Variants in ATP6V0D2 observed in about 807,000 individuals in gnomAD.
ATP6V0D2 encodes V-type proton ATPase subunit d 2.
In ATP6V0D2, 40 loss-of-function variants were observed where a neutral mutation model predicts 40.0. The ratio of observed to expected loss-of-function variants is 1.00; its 90% confidence interval spans 0.78 to 1.30. The LOEUF (loss-of-function observed/expected upper bound fraction) is 1.30. Ranked by LOEUF, ATP6V0D2 falls within the 50% of genes most tolerant of loss-of-function variation. The pLI, the probability that ATP6V0D2 is intolerant of heterozygous loss-of-function variation, is 0.00. For synonymous variants in ATP6V0D2, 179 were observed against 156.3 expected, an observed-to-expected ratio of 1.15 and a Z score of -1.08; for missense variants, 470 against 423.1, an observed-to-expected ratio of 1.11 and a Z score of -0.97.
chr8:86,132,211 T>C (rs1407684355), intron 2 of ATP6V0D2, among the ~76,000 whole-genome samples: 1 of 152,156 alleles, frequency 6.6e-6, no homozygotes, highest in African/African-American at 2.4e-5. Context: ...TTTTTTTAAT[T>C]GATAAATAAC....
chr8:86,139,502 A>G lies in ATP6V0D2; in HGVS notation c.348A>G (p.Ala116=), dbSNP rs745649075. 1.9e-6 allele frequency: 3 copies of G among 1,613,602 alleles called. No individual in the cohort carries two copies. The African/African-American group carries it at 4.0e-5, about 22-fold the overall frequency. ...IDNVILLMNG[A]LQKKSVKEIL... ...ATGTGATTCTGCTGATGAATGGTGC[A>G]TTGCAGAAAAAATCTGTGAAAGAAA... Residue 116 remains alanine (A), a synonymous_variant, in exon 3 of 8, where the codon GCA becomes GCG. Transcript: ENST00000285393.
At chr8:86,121,824 A>G (rs1383826112) in intron 2 of ATP6V0D2, among the ~76,000 whole-genome samples, 1 of 152,202 alleles carries the variant, frequency 6.6e-6, no homozygotes, top group East Asian at 1.9e-4. Context: ...TGCCCGAGAC[A>G]ACGTTATACA....
At chr8:86,131,647 C>T (rs1195002673) in intron 2 of ATP6V0D2, among the ~76,000 whole-genome samples, 9 of 151,748 alleles carry the variant, frequency 5.9e-5, no homozygotes, top group Admixed American at 1.3e-4. Context: ...ATTACAGGCA[C>T]CTGTCACCAC....
intron 2 of ATP6V0D2, among the ~76,000 whole-genome samples, chr8:86,115,326 T>C (rs1818578646): frequency 6.6e-6 from 1 of 151,506 alleles, no homozygotes; most frequent in Admixed American, 6.6e-5. Flanking sequence ...CCCTCTATCC[T>C]TCTATTCTTT....
intron 2 of ATP6V0D2, among the ~76,000 whole-genome samples, chr8:86,128,355 A>G (rs1024450363): frequency 1.1e-4 from 16 of 143,028 alleles, no homozygotes; most frequent in Non-Finnish European, 2.0e-4. Flanking sequence ...ATCTCAAAAT[A>G]AATAAATAAA....
intron 2 of ATP6V0D2, among the ~76,000 whole-genome samples, chr8:86,119,929 G>T (rs1057137979): frequency 3.3e-5 from 5 of 152,152 alleles, no homozygotes; most frequent in Non-Finnish European, 7.3e-5. Flanking sequence ...CCTGCATTCA[G>T]CAGTACTTTA....
rs577493607 is a variant in ATP6V0D2 at position 86,149,981 on chromosome 8, T to G, written c.640-131T>G. Reference sequence around the variant, plus strand: ...ACTAAGGGAACACTAATAACACATGTCTGGAGTATAATTAGACATAGATCC... The same window carrying G: ...ACTAAGGGAACACTAATAACACATGGCTGGAGTATAATTAGACATAGATCC... On this transcript the variant is annotated intron_variant, in intron 5 of 7. Coordinates refer to ENST00000285393, the MANE Select transcript of ATP6V0D2 (RefSeq NM_152565.1). 1.8e-4 allele frequency: 150 copies of G among 829,096 alleles called. 2 individuals carry two copies. In the South Asian group the frequency reaches 2.7e-3, roughly 15 times the overall value. The allele number at this position is 829,096 out of a possible 1,614,324, so 51.4% of individuals were successfully genotyped here.
Position 86,133,175 on chromosome 8 carries a change from G to T in ATP6V0D2, c.303-6282G>T, listed in dbSNP as rs796313609. On this transcript the variant is annotated intron_variant, in intron 2 of 7. Coordinates refer to ENST00000285393, the MANE Select transcript of ATP6V0D2 (RefSeq NM_152565.1). ...TTGAGTTTCTCGGATTTTCCTTCGG[G>T]TTGCCTCATACACTCCTAACTGGAT... is the stretch of plus-strand genomic sequence containing the variant. Among the ~76,000 whole-genome samples, 2 of 152,036 alleles carry T rather than the reference G, an allele frequency of 1.3e-5. 1 individual carries two copies. The highest frequency in any genetic ancestry group is 4.8e-5 in the African/African-American group (2 of 41,432).
chr8:86,099,149 A>G (rs761689322), intron 1 of ATP6V0D2, 41 bp downstream of exon 1: 12 of 1,558,940 alleles, frequency 7.7e-6, no homozygotes, highest in Non-Finnish European at 9.5e-6. Flanking sequence ...GAAAAAAAAA[A>G]AAATGAAATG....
At chr8:86,104,415 A>T (rs1818440841) in intron 1 of ATP6V0D2, among the ~76,000 whole-genome samples, 1 of 152,170 alleles carries the variant, frequency 6.6e-6, no homozygotes, top group Non-Finnish European at 1.5e-5. Flanking sequence ...CGCATGAGGA[A>T]GCACTCTAAA....
rs115365207 is a variant in ATP6V0D2 at position 86,102,602 on chromosome 8, T to C, written c.130+3494T>C. Among the ~76,000 whole-genome samples the C allele has an allele frequency of 8.6e-3, 1,316 of 152,320 alleles. 23 individuals carry two copies. Among genetic ancestry groups the C allele is most frequent in the African/African-American group, 0.029 (1,220 of 41,558 alleles). On this transcript the variant is annotated intron_variant, in intron 1 of 7. Coordinates refer to ENST00000285393, the MANE Select transcript of ATP6V0D2 (RefSeq NM_152565.1). Reference sequence around the variant, plus strand: ...ACTTGCAAGGAACATAATAAGGTTTTGGGTAAATTTAGAAGAGAGAAAAAG... The same window carrying C: ...ACTTGCAAGGAACATAATAAGGTTTCGGGTAAATTTAGAAGAGAGAAAAAG...
chr8:86,113,759 C>T lies in ATP6V0D2; in HGVS notation c.181C>T (p.His61Tyr). 1 of 1,612,380 alleles carries T rather than the reference C, an allele frequency of 6.2e-7. No individual in the cohort carries two copies. The highest frequency in any genetic ancestry group is 8.5e-7 in the Non-Finnish European group (1 of 1,179,158). Reference protein sequence around the residue: ...TTDYGNFLANHTNPLTVSKID... With the variant: ...TTDYGNFLANYTNPLTVSKID... The stretch of plus-strand genomic sequence containing the variant: ...TGATTATGGTAACTTTTTGGCTAAT[C>T]ACACAAATCCTCTTACTGTTTCCAA... Residue 61 changes from histidine (H) to tyrosine (Y), a missense_variant, in exon 2 of 8, where the codon CAC (histidine) becomes TAC (tyrosine). By Grantham distance (83) the His-to-Tyr change is moderately conservative. Transcript: ENST00000285393.
intron 5 of ATP6V0D2, among the ~76,000 whole-genome samples, chr8:86,149,487 A>T (rs1385887937): frequency 3.9e-5 from 6 of 152,190 alleles, no homozygotes; most frequent in African/African-American, 4.8e-5. Context: ...TACAAAGAAG[A>T]AAACTTCTTG....
chr8:86,151,110 A>G (rs556074318), intron 6 of ATP6V0D2, among the ~76,000 whole-genome samples: 1 of 152,198 alleles, frequency 6.6e-6, no homozygotes, highest in South Asian at 2.1e-4. Flanking sequence ...ATCAATTTTC[A>G]TCTCAAAGAA....
At chr8:86,127,410 TCA>T (rs1319984251) in intron 2 of ATP6V0D2, among the ~76,000 whole-genome samples, 2 of 151,852 alleles carry the variant, frequency 1.3e-5, no homozygotes, top group African/African-American at 2.4e-5. Flanking sequence ...AAGGTGCCTT[TCA>T]CACACACACA....
At chr8:86,104,216 T>C (rs1254753649) in intron 1 of ATP6V0D2, among the ~76,000 whole-genome samples, 3 of 152,160 alleles carry the variant, frequency 2.0e-5, no homozygotes, top group Non-Finnish European at 2.9e-5. Context: ...TTAAAATTTA[T>C]TTTTTTAATA....
At position 86,113,740 on chromosome 8, in the gene ATP6V0D2, T is replaced by C. The variant is rs1438422146; in HGVS notation, c.162T>C (p.Tyr54=). The change falls in exon 2 of 8, where the codon TAT becomes TAC. Residue 54 remains tyrosine (Y), a synonymous_variant. Coordinates refer to ENST00000285393, the MANE Select transcript of ATP6V0D2 (RefSeq NM_152565.1). ...AAATTCATCTCCAGACTACTGATTA[T>C]GGTAACTTTTTGGCTAATCACACAA... The part of the protein sequence containing the change: ...DLKIHLQTTD[Y]GNFLANHTNP... 6.2e-7 allele frequency: 1 copy of C among 1,612,912 alleles called. No individual in the cohort carries two copies. The highest frequency in any genetic ancestry group is 8.5e-7 in the Non-Finnish European group (1 of 1,179,412).
At chr8:86,111,311 CA>C (rs1818526259) in intron 1 of ATP6V0D2, among the ~76,000 whole-genome samples, 1 of 152,014 alleles carries the variant, frequency 6.6e-6, no homozygotes, top group African/African-American at 2.4e-5. Context: ...CTCTGCCTCC[CA>C]AAGTGTTGGG....
chr8:86,122,227 A>T (rs1818680534), intron 2 of ATP6V0D2, among the ~76,000 whole-genome samples: 1 of 152,184 alleles, frequency 6.6e-6, no homozygotes, highest in African/African-American at 2.4e-5. Flanking sequence ...GAGGCTGTAA[A>T]ATTTCTGAGT....
Sources: gnomAD v4.1 joint callset for allele counts (sites outside exome capture counted in the v4.1 genomes callset) on GRCh38, gnomAD v4.1.1 for gene constraint, MANE v1.5 for transcripts, NCBI Gene and HGNC (gene_info 2026-07-23, HGNC 2026-07-21) for gene names.